TEX2: variants seen among roughly 807,000 people sequenced by gnomAD.
TEX2 encodes testis-expressed protein 2.
In TEX2, 53 loss-of-function variants were observed where a neutral mutation model predicts 106.9. The observed-to-expected ratio is 0.50, with a 90% CI of 0.40 to 0.62. The LOEUF is 0.62. TEX2 is among the 20% of genes least tolerant of loss of function. The probability of loss-of-function intolerance (pLI) is 0.00; values close to 1 mark genes in which losing one functional copy is unlikely to be tolerated. For synonymous variants in TEX2, 523 were observed against 534.8 expected (o/e 0.98, Z 0.30); for missense variants, 1,207 against 1,379.0 (o/e 0.88, Z 1.98).
At chr17:64,246,394 C>T (rs117766541) in intron 1 of TEX2, among the ~76,000 whole-genome samples, 4,837 of 152,100 alleles carry the variant, frequency 0.032, 130 homozygotes, top group South Asian at 0.1. Flanking sequence ...TACAGGTGTG[C>T]GCCACCACAG....
intron 1 of TEX2, among the ~76,000 whole-genome samples, chr17:64,238,668 T>G (rs935906076): frequency 6.6e-6 from 1 of 152,166 alleles, no homozygotes; most frequent in Non-Finnish European, 1.5e-5. Flanking sequence ...TTGTGAGAAC[T>G]CACTCACTAT....
At chr17:64,184,607 T>C (rs1248208775) in intron 5 of TEX2, among the ~76,000 whole-genome samples, 1 of 152,240 alleles carries the variant, frequency 6.6e-6, no homozygotes, top group Non-Finnish European at 1.5e-5. Flanking sequence ...TTTGATGAAG[T>C]CCAATTTACC....
chr17:64,225,446 C>T (rs2033478171), intron 1 of TEX2, among the ~76,000 whole-genome samples: 2 of 152,106 alleles, frequency 1.3e-5, no homozygotes, highest in African/African-American at 4.8e-5. Flanking sequence ...TATTTGAGTT[C>T]AGGAGCAGGC....
At chr17:64,238,086 T>C (rs28658574) in intron 1 of TEX2, among the ~76,000 whole-genome samples, 37,812 of 151,948 alleles carry the variant, frequency 0.25, 5,270 homozygotes, top group African/African-American at 0.38. Flanking sequence ...AGAATCACGA[T>C]GTCAGGAGTT....
intron 6 of TEX2, among the ~76,000 whole-genome samples, chr17:64,174,621 G>A (rs1224760068): frequency 6.6e-6 from 1 of 152,156 alleles, no homozygotes; most frequent in African/African-American, 2.4e-5. Context: ...AAATCCAGGG[G>A]CACATTCTTT....
At chr17:64,152,843 G>T in intron 10 of TEX2, 102 bp downstream of exon 10, 2 of 1,194,672 alleles carry the variant, frequency 1.7e-6, no homozygotes, top group Non-Finnish European at 2.4e-6. Context: ...GCTTCTGCCC[G>T]GGAGAAGGTA....
intron 2 of TEX2, among the ~76,000 whole-genome samples, chr17:64,206,496 C>T (rs1448063833): frequency 2.0e-5 from 3 of 151,044 alleles, no homozygotes; most frequent in African/African-American, 7.3e-5. Flanking sequence ...GGAGGAGGTC[C>T]TAAGAATTCT....
rs375383694 is a variant in TEX2, at chr17:64,188,729, T to C, written c.2177-314A>G. 6.8e-3 allele frequency among the ~76,000 whole-genome samples: 1,016 copies of C among 149,394 alleles called. 7 individuals carry two copies. Among genetic ancestry groups the C allele is most frequent in the Non-Finnish European group, 0.011 (751 of 67,650 alleles). On this transcript the variant is annotated intron_variant, in intron 4 of 11. Coordinates refer to ENST00000584379, the MANE Select transcript of TEX2 (RefSeq NM_001288732.2). Reference sequence around the variant, plus strand: ...TACTCGGGAGGCTGAGGCAGGAGAATGGTGTGAACCCAGGAGGTGGAGCTT... The same window carrying C: ...TACTCGGGAGGCTGAGGCAGGAGAACGGTGTGAACCCAGGAGGTGGAGCTT...
chr17:64,149,013 A>G lies in TEX2; in HGVS notation c.3340T>C (p.Cys1114Arg), dbSNP rs756918458. ...TCCACAGGTGGGTCTTTCAGGAGGC[A>G]GGAAGTAGAGCGAGGGTCCATGGCT... ...HSAMDPRSTSCLLKDPPVEAA... is the reference protein window; with the variant it reads ...HSAMDPRSTSRLLKDPPVEAA... Residue 1114 changes from cysteine to arginine, a missense_variant, in exon 12 of 12, where the codon TGC (cysteine) becomes CGC (arginine). Physicochemically the swap from Cys to Arg is radical, Grantham distance 180. Transcript: ENST00000584379. 1 of 1,614,252 alleles carries G rather than the reference A, an allele frequency of 6.2e-7. No homozygotes were observed. Among genetic ancestry groups the G allele is most frequent in the Admixed American group, 1.7e-5 (1 of 60,030 alleles).
intron 2 of TEX2, among the ~76,000 whole-genome samples, chr17:64,204,533 C>T (rs2032769282): frequency 6.6e-6 from 1 of 152,196 alleles, no homozygotes; most frequent in African/African-American, 2.4e-5. Context: ...AGAGCAAAGA[C>T]TGATACAGAC....
Position 64,153,197 on chromosome 17 carries a change from T to C in TEX2, c.2931-43A>G, listed in dbSNP as rs1367407768. The C allele has an allele frequency of 3.5e-6, 5 of 1,433,452 alleles. No individual in the cohort carries two copies. In the South Asian group the frequency reaches 4.8e-5, roughly 14 times the overall value. 88.8% of individuals were successfully genotyped at this position (1,433,452 alleles called of 1,614,324 possible). On this transcript the variant is annotated intron_variant, in intron 9 of 11. Coordinates refer to ENST00000584379, the MANE Select transcript of TEX2 (RefSeq NM_001288732.2). The surrounding 1 kb of genome is among the most constrained non-coding windows in gnomAD (Gnocchi z 4.1). ...AAAGGGCGGTTAGCACAAACTTTGC[T>C]CTTTTCACAGACAAAAACCTGTGGC...
In TEX2 at chr17:64,213,761, G is replaced by T. The variant is rs943213068; in HGVS notation, c.457C>A (p.Leu153Ile). Residue 153 changes from leucine (L) to isoleucine (I), a missense_variant, in exon 2 of 12, where the codon CTT becomes ATT. Leu to Ile is a conservative substitution (Grantham distance 5). This residue lies in a region of TEX2 where 1,067 missense variants were observed against 1,193.6 expected (regional missense o/e 0.89). Coordinates refer to ENST00000584379, the MANE Select transcript of TEX2 (RefSeq NM_001288732.2). This position sits in a 1 kb window ranked among gnomAD's most constrained non-coding sequence, Gnocchi z 4.4. ...GAAGAACTGGTTTTCTGCTCAGAAAGGGATGACACACTGGGAGAGCTAGCT... is the reference window on the plus strand; with the variant it reads ...GAAGAACTGGTTTTCTGCTCAGAAATGGATGACACACTGGGAGAGCTAGCT... ...PLASSPSVSS[L>I]SEQKTSSSSP... 5.0e-6 allele frequency: 8 copies of T among 1,614,090 alleles called. No individual in the cohort carries two copies. Among genetic ancestry groups the T allele is most frequent in the Non-Finnish European group, 6.8e-6 (8 of 1,180,044 alleles).
At chr17:64,239,640 CAG>C (rs2033842967) in intron 1 of TEX2, among the ~76,000 whole-genome samples, 1 of 152,088 alleles carries the variant, frequency 6.6e-6, no homozygotes, top group Non-Finnish European at 1.5e-5. Flanking sequence ...CTTTGGGAGG[CAG>C]AGACAGGCAG....
At chr17:64,181,599 A>G (rs67356266) in intron 5 of TEX2, among the ~76,000 whole-genome samples, 108,023 of 151,456 alleles carry the variant, frequency 0.71, 38,604 homozygotes, top group East Asian at 0.83. Flanking sequence ...CTCACTGCAA[A>G]CTCCGCCTCC....
rs781952618 is a variant in TEX2, at chr17:64,212,614, T to C, written c.1604A>G (p.Asn535Ser). 2.5e-6 allele frequency: 4 copies of C among 1,614,118 alleles called. No individual in the cohort carries two copies. The highest frequency in any genetic ancestry group is 3.4e-6 in the Non-Finnish European group (4 of 1,180,042). The change falls in exon 2 of 12, where the codon AAC becomes AGC. Residue 535 changes from asparagine (N) to serine (S), a missense_variant. Around this residue, in one of 3 missense-constraint regions of TEX2, gnomAD observed 1,067 missense variants for 1,193.6 expected, o/e 0.89. Transcript: ENST00000584379. ...TTCTTTGATATCCAGAGATCTTGTG[T>C]TCCAGTGTCGCAGATTTTTGTGTAA... ...HKLHKNLRHW[N>S]TRSLDIKEPE...
intron 11 of TEX2, chr17:64,149,349 G>A: frequency 4.8e-6 from 2 of 416,222 alleles, no homozygotes; most frequent in Non-Finnish European, 8.7e-6. Flanking sequence ...CATATAATAA[G>A]GTTGCCCATA....
rs114718668 is a variant in TEX2, at chr17:64,165,935, C to A, written c.2672-5002G>T. On this transcript the variant is annotated intron_variant, in intron 7 of 11. Coordinates refer to ENST00000584379, the MANE Select transcript of TEX2 (RefSeq NM_001288732.2). ...TCTTGAAAACAAGGCAAAACCCAGT[C>A]GGGTCCTCTGTCTGTGTGGACACTC... is the stretch of plus-strand genomic sequence containing the variant. Among the ~76,000 whole-genome samples, 545 of 152,312 alleles carry A rather than the reference C, an allele frequency of 3.6e-3. 4 individuals are homozygous for A. Among genetic ancestry groups the A allele is most frequent in the Middle Eastern group, 0.014 (4 of 294 alleles).
At position 64,182,048 on chromosome 17, in the gene TEX2, T is replaced by G. The variant is rs569807467; in HGVS notation, c.2425-4577A>C. On this transcript the variant is annotated intron_variant, in intron 5 of 11. Transcript: ENST00000584379. ...TACACTGATGTTCAGAGCAGCATCA[T>G]TCACAATAGCTAAAATGTGGAAGCA... Among the ~76,000 whole-genome samples the G allele has an allele frequency of 1.1e-4, 16 of 152,220 alleles. No individual in the cohort carries two copies. In the South Asian group the frequency reaches 3.3e-3, roughly 32 times the overall value.
intron 1 of TEX2, among the ~76,000 whole-genome samples, chr17:64,225,890 G>T (rs1365229820): frequency 6.6e-6 from 1 of 151,958 alleles, no homozygotes; most frequent in African/African-American, 2.4e-5. Flanking sequence ...GCTAATTTTT[G>T]TATTTTTAGT....
Sources: gnomAD v4.1 joint callset for allele counts (sites outside exome capture counted in the v4.1 genomes callset) on GRCh38, gnomAD v4.1.1 for gene constraint, gnomAD v4.1.1 regional missense constraint, Gnocchi (gnomAD v3.1) non-coding constraint, MANE v1.5 for transcripts, NCBI Gene and HGNC (gene_info 2026-07-23, HGNC 2026-07-21) for gene names.